Variants in GOLIM4 observed in about 807,000 individuals in gnomAD.
GOLIM4 encodes 130 kDa golgi-localized phosphoprotein.
A neutral mutation model predicts 107.4 loss-of-function variants in GOLIM4; 71 were observed. The observed-to-expected ratio is 0.66, with a 90% CI of 0.55 to 0.81. The LOEUF is 0.81. Among genes scored for constraint, GOLIM4 ranks in the 30% least tolerant of loss-of-function variants. GOLIM4 has a pLI of 0.00. For missense variants in GOLIM4, 830 were observed against 826.1 expected (o/e 1.00, Z -0.06); for synonymous variants, 327 against 294.8 (o/e 1.11, Z -1.12).
At chr3:168,063,378 CT>C (rs1720367859) in intron 1 of GOLIM4, among the ~76,000 whole-genome samples, 1 of 152,094 alleles carries the variant, frequency 6.6e-6, no homozygotes, top group African/African-American at 2.4e-5. Context: ...TGAAAGTATA[CT>C]TTTTTTAAGA....
chr3:168,068,435 T>C (rs1720659785), intron 1 of GOLIM4, among the ~76,000 whole-genome samples: 1 of 152,194 alleles, frequency 6.6e-6, no homozygotes, highest in Admixed American at 6.5e-5. Flanking sequence ...AAGCAATTTT[T>C]TTCTGAATTT....
At chr3:168,040,579 T>C (rs1718928294) in intron 7 of GOLIM4, among the ~76,000 whole-genome samples, 1 of 152,236 alleles carries the variant, frequency 6.6e-6, no homozygotes, top group African/African-American at 2.4e-5. Context: ...TGATCATTTA[T>C]GTACCGCACA....
chr3:168,087,598 T>C (rs1721691712), intron 1 of GOLIM4, among the ~76,000 whole-genome samples: 1 of 152,180 alleles, frequency 6.6e-6, no homozygotes, highest in African/African-American at 2.4e-5. Context: ...TTATTTCTGA[T>C]TCTAAATTTT....
chr3:168,019,960 A>C (rs1180188866), intron 14 of GOLIM4, among the ~76,000 whole-genome samples: 1 of 152,180 alleles, frequency 6.6e-6, no homozygotes, highest in Non-Finnish European at 1.5e-5. Flanking sequence ...TTACAAAAAA[A>C]AATGGTCACT....
At chr3:168,057,965 G>T (rs1345131381) in intron 1 of GOLIM4, among the ~76,000 whole-genome samples, 1 of 152,052 alleles carries the variant, frequency 6.6e-6, no homozygotes, top group Non-Finnish European at 1.5e-5. Context: ...AGGCTCATTA[G>T]TACCACATGT....
At chr3:168,032,478 T>A in intron 9 of GOLIM4, 42 bp downstream of exon 9, 1 of 1,422,466 alleles carries the variant, frequency 7.0e-7, no homozygotes, top group Non-Finnish European at 9.9e-7. Flanking sequence ...AAGCCAGGTT[T>A]TCCATCCCAG....
intron 14 of GOLIM4, 114 bp from the exon 15 acceptor site, chr3:168,010,937 A>AC: frequency 1.3e-6 from 1 of 785,158 alleles, no homozygotes; most frequent in African/African-American, 1.7e-5. Flanking sequence ...TGATTTCCAA[A>AC]AAGTTCACTC....
intron 14 of GOLIM4, among the ~76,000 whole-genome samples, chr3:168,017,098 T>A (rs1717413536): frequency 2.0e-5 from 3 of 152,194 alleles, no homozygotes; most frequent in Non-Finnish European, 4.4e-5. Flanking sequence ...ATGTGATTGA[T>A]CCTGAATGTA....
intron 1 of GOLIM4, among the ~76,000 whole-genome samples, chr3:168,063,288 C>G (rs1242196047): frequency 6.6e-6 from 1 of 152,228 alleles, no homozygotes; most frequent in East Asian, 1.9e-4. Context: ...TCTGCTTCCC[C>G]AGTTTGACTA....
chr3:168,095,136 G>GT lies in GOLIM4; in HGVS notation c.149dup (p.Tyr50Ter). ...CGGAGAGGGACTCCTGGTGCTGCTG[G>GT]TACTTGAGCGCCACCGCCTCGGCTT... is the stretch of plus-strand genomic sequence containing the variant. Reference protein sequence around the residue: ...LRKAEAVALKYQQHQESLSAQ... With the variant: ...LRKAEAVALK Residue 50 changes from tyrosine (Y) to a stop codon, truncating the protein, a stop_gained and frameshift_variant, in exon 1 of 16, where the codon TAC becomes TAAC. Transcript: ENST00000470487. LOFTEE classifies it high-confidence loss of function. The GT allele has an allele frequency of 2.5e-6, 4 of 1,610,172 alleles. No homozygotes were observed. The highest frequency in any genetic ancestry group is 3.4e-6 in the Non-Finnish European group (4 of 1,177,244).
intron 4 of GOLIM4, among the ~76,000 whole-genome samples, chr3:168,044,271 A>G (rs1719180903): frequency 6.6e-6 from 1 of 152,224 alleles, no homozygotes; most frequent in Non-Finnish European, 1.5e-5. Flanking sequence ...CATGATCTGC[A>G]TCCTGCGAGA....
intron 1 of GOLIM4, among the ~76,000 whole-genome samples, chr3:168,086,228 A>G (rs1194444392): frequency 6.6e-6 from 1 of 152,098 alleles, no homozygotes. Flanking sequence ...TTCTAATATT[A>G]ATATTATTTA....
chr3:168,041,282 A>G, intron 6 of GOLIM4, 110 bp downstream of exon 6: 1 of 676,842 alleles, frequency 1.5e-6, no homozygotes. Context: ...AAAGCCCACA[A>G]TAACAACGTG....
chr3:168,073,460 C>G (rs73174997), intron 1 of GOLIM4, among the ~76,000 whole-genome samples: 6,971 of 152,244 alleles, frequency 0.046, 191 homozygotes, highest in Non-Finnish European at 0.067. Flanking sequence ...CTATTTTATC[C>G]ATTTATCAAA....
rs1383517995 is a variant in GOLIM4, at chr3:168,032,776, G to T, written c.920C>A (p.Pro307His). The stretch of plus-strand genomic sequence containing the variant: ...CTGAAATTCTGCCTCCTTATGGGTG[G>T]GAGCATAGAGTTTTGTGTCTTCTGC... Reference protein sequence around the residue: ...GRAEDTKLYAPTHKEAEFQAP... With the variant: ...GRAEDTKLYAHTHKEAEFQAP... Residue 307 changes from proline to histidine, a missense_variant, in exon 9 of 16, where the codon CCC (proline) becomes CAC (histidine). Physicochemically the swap from Pro to His is moderately conservative, Grantham distance 77. Transcript: ENST00000470487. 6.2e-7 allele frequency: 1 copy of T among 1,613,922 alleles called. No individual in the cohort carries two copies. The highest frequency in any genetic ancestry group is 8.5e-7 in the Non-Finnish European group (1 of 1,179,904).
chr3:168,044,782 G>A lies in GOLIM4; in HGVS notation c.366+46C>T, dbSNP rs1165775853. On this transcript the variant is annotated intron_variant, in intron 4 of 15. Coordinates refer to ENST00000470487, the MANE Select transcript of GOLIM4 (RefSeq NM_014498.5). The stretch of plus-strand genomic sequence containing the variant: ...AGGCCATTAGTCAGTTCAAGTATTA[G>A]TTAATCCTTTCTTTTATTCATAAAT... The A allele has an allele frequency of 2.8e-6, 3 of 1,082,250 alleles. No individual in the cohort carries two copies. The South Asian group carries it at 4.3e-5, about 15-fold the overall frequency. 67.0% of individuals were successfully genotyped at this position (1,082,250 alleles called of 1,614,324 possible).
chr3:168,090,327 C>CA (rs1429958950), intron 1 of GOLIM4, among the ~76,000 whole-genome samples: 3 of 138,944 alleles, frequency 2.2e-5, no homozygotes, highest in African/African-American at 9.1e-5. Context: ...AGCAGCTTGA[C>CA]AAGAAAAAAA....
chr3:168,046,996 A>T lies in GOLIM4; in HGVS notation c.266T>A (p.Phe89Tyr). The T allele has an allele frequency of 1.6e-6, 2 of 1,251,172 alleles. No individual in the cohort carries two copies. The highest frequency in any genetic ancestry group is 3.1e-5 in the African/African-American group (2 of 63,780). 77.5% of individuals were successfully genotyped at this position (1,251,172 alleles called of 1,614,324 possible). A position where few individuals can be genotyped will look rare whatever the true frequency, so the allele number is the denominator to read the frequency against. ...RLEHKKAKEDFLVYKLEAQET... is the reference protein window; with the variant it reads ...RLEHKKAKEDYLVYKLEAQET... ...TTGTGCTTCTAACTTATAAACAAGAAAATCTAGAAAATACAAGATGGAAAA... is the reference window on the plus strand; with the variant it reads ...TTGTGCTTCTAACTTATAAACAAGATAATCTAGAAAATACAAGATGGAAAA... The change falls in exon 3 of 16, where the codon TTT becomes TAT. Residue 89 changes from phenylalanine (F) to tyrosine (Y), a missense_variant. Coordinates refer to ENST00000470487, the MANE Select transcript of GOLIM4 (RefSeq NM_014498.5).
At chr3:168,029,453 C>T in intron 10 of GOLIM4, 151 bp from the exon 11 acceptor site, 1 of 525,652 alleles carries the variant, frequency 1.9e-6, no homozygotes. Context: ...CTTATGTATG[C>T]AATTAGGTAT....
Sources: gnomAD v4.1 joint callset for allele counts (sites outside exome capture counted in the v4.1 genomes callset) on GRCh38, gnomAD v4.1.1 for gene constraint, MANE v1.5 for transcripts, NCBI Gene and HGNC (gene_info 2026-07-23, HGNC 2026-07-21) for gene names.